Variants in RGS17 observed in about 807,000 individuals in gnomAD.
RGS17 encodes regulator of G protein signaling 17, also known as regulator of G-protein signaling 17.
RGS17 carries 12 observed loss-of-function variants against 25.5 expected under a neutral mutation model. The observed-to-expected ratio is 0.47, with a 90% CI of 0.30 to 0.76. RGS17 has a LOEUF of 0.76. Ranked by LOEUF, RGS17 falls within the 30% of genes least tolerant of loss-of-function variation. The pLI is 0.07. For missense variants in RGS17, 196 were observed against 242.2 expected, an observed-to-expected ratio of 0.81 and a Z score of 1.27; for synonymous variants, 71 against 76.9, an observed-to-expected ratio of 0.92 and a Z score of 0.40.
chr6:153,056,193 A>C (rs1277306164), intron 1 of RGS17, among the ~76,000 whole-genome samples: 1 of 152,216 alleles, frequency 6.6e-6, no homozygotes, highest in Non-Finnish European at 1.5e-5. Context: ...TCTGCTCACT[A>C]CAATTTAAGA....
intron 1 of RGS17, among the ~76,000 whole-genome samples, chr6:153,082,773 C>A (rs1244309485): frequency 1.3e-5 from 2 of 152,088 alleles, no homozygotes; most frequent in Admixed American, 6.6e-5. Context: ...TCATTAGATA[C>A]AAAAATTTTG....
At chr6:153,122,606 C>T (rs901411096) in intron 1 of RGS17, among the ~76,000 whole-genome samples, 1 of 152,004 alleles carries the variant, frequency 6.6e-6, no homozygotes, top group Non-Finnish European at 1.5e-5. Context: ...TTTATTCCTA[C>T]CAGAAGAAAA....
intron 1 of RGS17, among the ~76,000 whole-genome samples, chr6:153,097,454 A>T (rs1005274284): frequency 3.3e-5 from 5 of 151,694 alleles, no homozygotes; most frequent in Non-Finnish European, 1.5e-5. Flanking sequence ...ATTTTTTTTA[A>T]AAGAAAACTT....
At chr6:153,047,348 A>G (rs1463062286) in intron 1 of RGS17, among the ~76,000 whole-genome samples, 8 of 152,218 alleles carry the variant, frequency 5.3e-5, no homozygotes, top group African/African-American at 1.4e-4. Flanking sequence ...AATTAAATTT[A>G]AGACTACATC....
At chr6:153,082,487 T>C (rs1247596965) in intron 1 of RGS17, among the ~76,000 whole-genome samples, 1 of 152,212 alleles carries the variant, frequency 6.6e-6, no homozygotes, top group Non-Finnish European at 1.5e-5. Flanking sequence ...TCTAATCTTT[T>C]GTTAAGCCCA....
At chr6:153,107,199 G>A (rs1293797334) in intron 1 of RGS17, among the ~76,000 whole-genome samples, 1 of 151,926 alleles carries the variant, frequency 6.6e-6, no homozygotes, top group Non-Finnish European at 1.5e-5. Context: ...CGGGCATGGT[G>A]GTGGGCGCCT....
chr6:153,120,418 AT>A (rs1777609570), intron 1 of RGS17, among the ~76,000 whole-genome samples: 1 of 152,160 alleles, frequency 6.6e-6, no homozygotes, highest in African/African-American at 2.4e-5. Context: ...CATCTTCTAG[AT>A]CTTTTTGTTC....
At chr6:153,128,997 T>C (rs1318753945) in intron 1 of RGS17, among the ~76,000 whole-genome samples, 2 of 152,248 alleles carry the variant, frequency 1.3e-5, no homozygotes, top group Non-Finnish European at 2.9e-5. Context: ...TTATTTGTTC[T>C]GTAAATTCGA....
intron 4 of RGS17, among the ~76,000 whole-genome samples, chr6:153,018,162 T>C (rs1584118861): frequency 6.6e-6 from 1 of 152,320 alleles, no homozygotes; most frequent in East Asian, 1.9e-4. Context: ...CCTGCTGGTC[T>C]AGGGGAGGGT....
At chr6:153,032,890 C>T (rs1003881365) in intron 2 of RGS17, among the ~76,000 whole-genome samples, 1 of 152,194 alleles carries the variant, frequency 6.6e-6, no homozygotes, top group Non-Finnish European at 1.5e-5. Context: ...CCGTCTCATG[C>T]TGGGATAATA....
intron 4 of RGS17, among the ~76,000 whole-genome samples, chr6:153,018,142 G>A (rs953547210): frequency 6.6e-6 from 1 of 152,150 alleles, no homozygotes; most frequent in Non-Finnish European, 1.5e-5. Context: ...TGGATGATAG[G>A]AAAGTATATC....
At chr6:153,020,113 T>TATATATAC in intron 4 of RGS17, among the ~76,000 whole-genome samples, 1 of 42,414 alleles carries the variant, frequency 2.4e-5, no homozygotes, top group Non-Finnish European at 4.3e-5. Context: ...AAAAAAAAAA[T>TATATATAC]ATATATATAT....
In RGS17 at chr6:153,064,543, T is replaced by C. The variant is rs149738677; in HGVS notation, c.-25-20500A>G. ...TACTCGGCAGGCTGAGGCAGGAGAA[T>C]AGTGTGAACTCAGGAGGCAGAGCTT... On this transcript the variant is annotated intron_variant, in intron 1 of 4. Coordinates refer to ENST00000206262, the MANE Select transcript of RGS17 (RefSeq NM_012419.5). Among the ~76,000 whole-genome samples, 1,228 of 151,684 alleles carry C rather than the reference T, an allele frequency of 8.1e-3. 19 individuals carry two copies. The highest frequency in any genetic ancestry group is 0.028 in the African/African-American group (1,172 of 41,312).
intron 1 of RGS17, among the ~76,000 whole-genome samples, chr6:153,053,984 T>C (rs1245363871): frequency 2.7e-5 from 1 of 37,376 alleles, no homozygotes; most frequent in Non-Finnish European, 4.6e-5. Flanking sequence ...TATGTATATA[T>C]GTATATAATA....
chr6:153,021,036 G>A (rs775798882), intron 4 of RGS17, among the ~76,000 whole-genome samples: 3 of 152,114 alleles, frequency 2.0e-5, no homozygotes, highest in East Asian at 3.8e-4. Context: ...AGCCCAGAAC[G>A]GCCTAACAGA....
At chr6:153,038,323 T>G (rs1056660452) in intron 2 of RGS17, among the ~76,000 whole-genome samples, 1 of 152,150 alleles carries the variant, frequency 6.6e-6, no homozygotes, top group Non-Finnish European at 1.5e-5. Flanking sequence ...CCACTCTGGT[T>G]TTGTGTATAT....
chr6:153,104,795 C>T lies in RGS17; in HGVS notation c.-26+26329G>A, dbSNP rs201999279. On this transcript the variant is annotated intron_variant, in intron 1 of 4. Transcript: ENST00000206262. Reference sequence around the variant, plus strand: ...CAGAGATCACGCCACTGCACTCCAGCCTGGGCTACAGAGCGAGACTCTTGT... The same window carrying T: ...CAGAGATCACGCCACTGCACTCCAGTCTGGGCTACAGAGCGAGACTCTTGT... Among the ~76,000 whole-genome samples the T allele has an allele frequency of 7.3e-5, 11 of 150,950 alleles. 1 individual carries two copies. The East Asian group carries it at 1.7e-3, about 24-fold the overall frequency.
chr6:153,113,448 A>G (rs1207483460), intron 1 of RGS17, among the ~76,000 whole-genome samples: 2 of 152,192 alleles, frequency 1.3e-5, no homozygotes, highest in Non-Finnish European at 2.9e-5. Context: ...TTAGAGGCCT[A>G]TTAGGGACTT....
chr6:153,050,403 T>C (rs1299356833), intron 1 of RGS17, among the ~76,000 whole-genome samples: 2 of 152,058 alleles, frequency 1.3e-5, no homozygotes, highest in Non-Finnish European at 2.9e-5. Flanking sequence ...TTTAACAACA[T>C]AAAAACCTAA....
Sources: allele counts gnomAD v4.1 joint callset (sites outside exome capture counted in the v4.1 genomes callset), GRCh38; gene constraint gnomAD v4.1.1; transcripts MANE v1.5; gene names NCBI Gene and HGNC (gene_info 2026-07-23, HGNC 2026-07-21).